AGPAT4: variants seen among roughly 807,000 people sequenced by gnomAD.
AGPAT4 encodes 1-acyl-sn-glycerol-3-phosphate acyltransferase delta.
AGPAT4 carries 15 observed loss-of-function variants against 48.0 expected under a neutral mutation model. The ratio of observed to expected loss-of-function variants is 0.31; its 90% CI spans 0.21 to 0.48. AGPAT4 has a LOEUF of 0.48. Ranked by LOEUF, AGPAT4 falls within the 20% of genes least tolerant of loss-of-function variation. The pLI, the probability that AGPAT4 is intolerant of heterozygous loss-of-function variation, is 0.99. For missense variants in AGPAT4, 314 were observed against 482.5 expected (o/e 0.65, Z 3.27); for synonymous variants, 178 against 198.7 (o/e 0.90, Z 0.88).
At chr6:161,163,658 C>A (rs1387929724) in intron 3 of AGPAT4, among the ~76,000 whole-genome samples, 1 of 152,230 alleles carries the variant, frequency 6.6e-6, no homozygotes, top group Admixed American at 6.5e-5. Context: ...CAGTCCTCTC[C>A]TGGCACCTGC....
rs1352494887 is a variant in AGPAT4 at position 161,219,824 on chromosome 6, G to GAGATAGATAGATAT, written c.178+12211_178+12212insATATCTATCTATCT. Among the ~76,000 whole-genome samples, 86 of 89,424 alleles carry GAGATAGATAGATAT rather than the reference G, an allele frequency of 9.6e-4. No individual in the cohort carries two copies. Among genetic ancestry groups the GAGATAGATAGATAT allele is most frequent in the African/African-American group, 3.5e-3 (82 of 23,532 alleles). 58.7% of individuals were successfully genotyped at this position (89,424 alleles called of 152,430 possible). On this transcript the variant is annotated intron_variant, in intron 2 of 8. Coordinates refer to ENST00000320285, the MANE Select transcript of AGPAT4 (RefSeq NM_020133.3). This position sits in a 1 kb window ranked among gnomAD's most constrained non-coding sequence, Gnocchi z 4.9. ...AGATTCACAGTAAAAAAGATAGACA[G>GAGATAGATAGATAT]AGATAGATAGATAGATAGATAGATA...
rs41268555 is a variant in AGPAT4 at position 161,161,814 on chromosome 6, G to A, written c.348+4434C>T. ...TTTTGAAGGTATATCAATTGCTATC[G>A]TTGTCATGATCGAAAATCCTTCGTT... On this transcript the variant is annotated intron_variant, in intron 3 of 8. Transcript: ENST00000320285. The surrounding 1 kb of genome is among the most constrained non-coding windows in gnomAD (Gnocchi z 4.6). 7.0e-4 allele frequency: 199 copies of A among 283,300 alleles called. No homozygotes were observed. Among genetic ancestry groups the A allele is most frequent in the Non-Finnish European group, 1.1e-3 (161 of 142,770 alleles). The allele number at this position is 283,300 out of a possible 1,614,324, so 17.5% of individuals were successfully genotyped here.
chr6:161,183,020 C>T (rs945900619), intron 2 of AGPAT4, among the ~76,000 whole-genome samples: 1 of 152,172 alleles, frequency 6.6e-6, no homozygotes, highest in East Asian at 1.9e-4. Flanking sequence ...CCTCAATGCA[C>T]CTCAATGGGA....
rs932637100 is a variant in AGPAT4, at chr6:161,131,313, G to A, written c.*5227C>T. 2 of 156,194 alleles carry A rather than the reference G, an allele frequency of 1.3e-5. No individual in the cohort carries two copies. Among genetic ancestry groups the A allele is most frequent in the Non-Finnish European group, 1.4e-5 (1 of 70,328 alleles). 9.7% of individuals were successfully genotyped at this position (156,194 alleles called of 1,614,324 possible). ...CAACCTTCATATTAAACTAGGATGA[G>A]GCTGCAGGAGCTGAGGAAGGAAGGC... On this transcript the variant is annotated 3_prime_UTR_variant, in exon 9 of 9. Transcript: ENST00000320285.
At chr6:161,203,318 G>A (rs900560988) in intron 2 of AGPAT4, among the ~76,000 whole-genome samples, 3 of 150,750 alleles carry the variant, frequency 2.0e-5, no homozygotes, top group Non-Finnish European at 2.9e-5. Flanking sequence ...ACAAGTGTTC[G>A]TTAAATGAAT....
At chr6:161,199,594 T>G (rs556969058) in intron 2 of AGPAT4, among the ~76,000 whole-genome samples, 1 of 152,148 alleles carries the variant, frequency 6.6e-6, no homozygotes, top group South Asian at 2.1e-4. Context: ...CCAAATCTCA[T>G]GTGGAACTGT....
chr6:161,200,506 T>C lies in AGPAT4; in HGVS notation c.178+31530A>G, dbSNP rs2115009501. 6.6e-6 allele frequency among the ~76,000 whole-genome samples: 1 copy of C among 152,322 alleles called. No homozygotes were observed. Among genetic ancestry groups the C allele is most frequent in the East Asian group, 1.9e-4 (1 of 5,176 alleles). ...TCTTCCATTTCCACCCAGTATCTAA[T>C]CATAGTTGGTCTGGACAAGGGGAAA... On this transcript the variant is annotated intron_variant, in intron 2 of 8. Transcript: ENST00000320285. The surrounding 1 kb of genome is among the most constrained non-coding windows in gnomAD (Gnocchi z 5.5).
rs1425202062 is a variant in AGPAT4 at position 161,235,113 on chromosome 6, C to T, written c.-89-2811G>A. On this transcript the variant is annotated intron_variant, in intron 1 of 8. Transcript: ENST00000320285. This position sits in a 1 kb window ranked among gnomAD's most constrained non-coding sequence, Gnocchi z 6.2. The stretch of plus-strand genomic sequence containing the variant: ...CTGGTGTGGGGTGGTTGCATGTGGG[C>T]TTGAGAGTTCAACTGCCCAAGTTTG... 1.3e-5 allele frequency among the ~76,000 whole-genome samples: 2 copies of T among 151,972 alleles called. No individual in the cohort carries two copies. Among genetic ancestry groups the T allele is most frequent in the Non-Finnish European group, 2.9e-5 (2 of 68,016 alleles).
At chr6:161,191,672 C>T (rs1045171579) in intron 2 of AGPAT4, among the ~76,000 whole-genome samples, 4 of 152,216 alleles carry the variant, frequency 2.6e-5, no homozygotes, top group African/African-American at 9.7e-5. Flanking sequence ...TAAATTGCAG[C>T]TGTTTGACTT....
rs1779054672 is a variant in AGPAT4, at chr6:161,136,074, T to A, written c.*466A>T. On this transcript the variant is annotated 3_prime_UTR_variant, in exon 9 of 9. Coordinates refer to ENST00000320285, the MANE Select transcript of AGPAT4 (RefSeq NM_020133.3). ...GGTCCATGTCAACATACACCACAGA[T>A]GACCCAGAAAAGCACTTTAATTTTT... is the stretch of plus-strand genomic sequence containing the variant. 1 of 174,684 alleles carries A rather than the reference T, an allele frequency of 5.7e-6. No individual in the cohort carries two copies. Among genetic ancestry groups the A allele is most frequent in the Non-Finnish European group, 1.2e-5 (1 of 82,064 alleles). The allele number at this position is 174,684 out of a possible 1,614,324, so 10.8% of individuals were successfully genotyped here.
chr6:161,187,911 T>A (rs1489163339), intron 2 of AGPAT4, among the ~76,000 whole-genome samples: 1 of 152,192 alleles, frequency 6.6e-6, no homozygotes, highest in Non-Finnish European at 1.5e-5. Flanking sequence ...TAAAGCAAAT[T>A]GTAAAATCTA....
Position 161,232,184 on chromosome 6 carries a change from C to T in AGPAT4, c.30G>A (p.Gln10=), listed in dbSNP as rs761845504. ...AGCAGAAGACCAGGTGGCACAGGAA[C>T]TGAGACTTCAGCAGTCCCGCGAGGT... MDLAGLLKS[Q]FLCHLVFCYV... Residue 10 remains glutamine (Q), a synonymous_variant, in exon 2 of 9, where the codon CAG becomes CAA. Transcript: ENST00000320285. The surrounding 1 kb of genome is among the most constrained non-coding windows in gnomAD (Gnocchi z 6.8). 12 of 1,614,152 alleles carry T rather than the reference C, an allele frequency of 7.4e-6. No individual in the cohort carries two copies. The Admixed American group carries it at 2.0e-4, about 27-fold the overall frequency.
rs2114940698 is a variant in AGPAT4, at chr6:161,131,241, T to G, written c.*5299A>C. On this transcript the variant is annotated 3_prime_UTR_variant, in exon 9 of 9. Transcript: ENST00000320285. ...AGCCCTGGGTGCTATTTCCAGATAC[T>G]GAAAAGATCTAAGTAGGTGCTTAAG... 4.7e-6 allele frequency: 1 copy of G among 210,554 alleles called. No homozygotes were observed. The highest frequency in any genetic ancestry group is 1.1e-4 in the East Asian group (1 of 9,080). 13.0% of individuals were successfully genotyped at this position (210,554 alleles called of 1,614,324 possible). A position where few individuals can be genotyped will look rare whatever the true frequency, so the allele number is the denominator to read the frequency against.
At position 161,262,456 on chromosome 6, in the gene AGPAT4, T is replaced by C. The variant is rs1783130449; in HGVS notation, c.-90+11482A>G. Reference sequence around the variant, plus strand: ...AACCCCAAACTCTTCCACAGCTGGCTCTATACTAGCTCATTCCTTTTTTTT... The same window carrying C: ...AACCCCAAACTCTTCCACAGCTGGCCCTATACTAGCTCATTCCTTTTTTTT... On this transcript the variant is annotated intron_variant, in intron 1 of 8. Transcript: ENST00000320285. This position sits in a 1 kb window ranked among gnomAD's most constrained non-coding sequence, Gnocchi z 4.9. 6.6e-6 allele frequency among the ~76,000 whole-genome samples: 1 copy of C among 152,024 alleles called. No individual in the cohort carries two copies. The highest frequency in any genetic ancestry group is 6.6e-5 in the Admixed American group (1 of 15,260).
chr6:161,250,363 C>T (rs1216174363), intron 1 of AGPAT4, among the ~76,000 whole-genome samples: 1 of 152,086 alleles, frequency 6.6e-6, no homozygotes, highest in African/African-American at 2.4e-5. Flanking sequence ...AATAAATATA[C>T]AGTAGTTGAG....
In AGPAT4 at chr6:161,200,296, A is replaced by G. The variant is rs1280014043; in HGVS notation, c.178+31740T>C. 1.3e-5 allele frequency among the ~76,000 whole-genome samples: 2 copies of G among 152,256 alleles called. No homozygotes were observed. Among genetic ancestry groups the G allele is most frequent in the African/African-American group, 4.8e-5 (2 of 41,464 alleles). ...TGATTACTCATGTAGAAAGCATTCGATAAGTGTTAACTAATATTTCACATT... is the reference window on the plus strand; with the variant it reads ...TGATTACTCATGTAGAAAGCATTCGGTAAGTGTTAACTAATATTTCACATT... On this transcript the variant is annotated intron_variant, in intron 2 of 8. Coordinates refer to ENST00000320285, the MANE Select transcript of AGPAT4 (RefSeq NM_020133.3). The surrounding 1 kb of genome is among the most constrained non-coding windows in gnomAD (Gnocchi z 5.5).
Position 161,143,929 on chromosome 6 carries a change from C to G in AGPAT4, c.843+2595G>C, listed in dbSNP as rs1014256657. On this transcript the variant is annotated intron_variant, in intron 7 of 8. Coordinates refer to ENST00000320285, the MANE Select transcript of AGPAT4 (RefSeq NM_020133.3). This position sits in a 1 kb window ranked among gnomAD's most constrained non-coding sequence, Gnocchi z 4.7. ...TCCATGAAATTGAAAAGTCAGAGAA[C>G]TACTGCCCTAAAATCCCAAGGTCAA... The G allele has an allele frequency of 1.0e-5, 3 of 299,134 alleles. No individual in the cohort carries two copies. The highest frequency in any genetic ancestry group is 6.7e-5 in the African/African-American group (3 of 45,090). 18.5% of individuals were successfully genotyped at this position (299,134 alleles called of 1,614,324 possible).
rs1782124034 is a variant in AGPAT4 at position 161,231,608 on chromosome 6, T to C, written c.178+428A>G. On this transcript the variant is annotated intron_variant, in intron 2 of 8. Coordinates refer to ENST00000320285, the MANE Select transcript of AGPAT4 (RefSeq NM_020133.3). The surrounding 1 kb of genome is among the most constrained non-coding windows in gnomAD (Gnocchi z 5.3). ...AAAAAAGGCAAGGAAGAAAACAATA[T>C]AGTATACTGCCACTTAGTTTTTTAA... is the stretch of plus-strand genomic sequence containing the variant. Among the ~76,000 whole-genome samples, 2 of 152,084 alleles carry C rather than the reference T, an allele frequency of 1.3e-5. No homozygotes were observed. The highest frequency in any genetic ancestry group is 6.6e-5 in the Admixed American group (1 of 15,262).
At position 161,220,908 on chromosome 6, in the gene AGPAT4, C is replaced by T. The variant is rs952101225; in HGVS notation, c.178+11128G>A. ...AAGCAATTCTCCTGCCTCAGTCTCCCGAGTAGCTGGGATTACAGGCGCGTG... is the reference window on the plus strand; with the variant it reads ...AAGCAATTCTCCTGCCTCAGTCTCCTGAGTAGCTGGGATTACAGGCGCGTG... On this transcript the variant is annotated intron_variant, in intron 2 of 8. Transcript: ENST00000320285. The surrounding 1 kb of genome is among the most constrained non-coding windows in gnomAD (Gnocchi z 6.0). Among the ~76,000 whole-genome samples, 2 of 152,078 alleles carry T rather than the reference C, an allele frequency of 1.3e-5. No individual in the cohort carries two copies. The highest frequency in any genetic ancestry group is 2.4e-5 in the African/African-American group (1 of 41,400).
Sources: gnomAD v4.1 joint callset for allele counts (sites outside exome capture counted in the v4.1 genomes callset) on GRCh38, gnomAD v4.1.1 for gene constraint, Gnocchi (gnomAD v3.1) non-coding constraint, MANE v1.5 for transcripts, NCBI Gene and HGNC (gene_info 2026-07-23, HGNC 2026-07-21) for gene names.